The following FAT3 variants were observed in gnomAD, a reference collection of about 807,000 sequenced individuals.
FAT3 encodes FAT atypical cadherin 3.
A neutral mutation model predicts 310.2 loss-of-function variants in FAT3; 95 were observed. The ratio of observed to expected loss-of-function variants is 0.31; its 90% CI spans 0.26 to 0.36. FAT3 has a LOEUF of 0.36. Ranked by LOEUF, FAT3 falls within the 10% of genes least tolerant of loss-of-function variation. The pLI, the probability that FAT3 is intolerant of heterozygous loss-of-function variation, is 1.00. For synonymous variants in FAT3, 2,314 were observed against 2,192.9 expected (o/e 1.06, Z -1.54); for missense variants, 5,408 against 5,715.6 (o/e 0.95, Z 1.74).
At chr11:92,293,551 TAA>T (rs1183644543) in intron 1 of FAT3, among the ~76,000 whole-genome samples, 238 of 15,682 alleles carry the variant, frequency 0.015, 9 homozygotes, top group African/African-American at 0.045. Flanking sequence ...TATATATATA[TAA>T]ATAAAATATA....
rs181581090 is a variant in FAT3, at chr11:92,636,062, C to T, written c.3608-61322C>T. Among the ~76,000 whole-genome samples, 299 of 152,284 alleles carry T rather than the reference C, an allele frequency of 2.0e-3. No individual in the cohort carries two copies. In the Middle Eastern group the frequency reaches 0.02, roughly 10 times the overall value. On this transcript the variant is annotated intron_variant, in intron 3 of 27. Transcript: ENST00000525166. Reference sequence around the variant, plus strand: ...CACTGCAACCTCTGCCACCCAGGCTCAAGCAGTCCTCCCACCTCAGCCTCC... The same window carrying T: ...CACTGCAACCTCTGCCACCCAGGCTTAAGCAGTCCTCCCACCTCAGCCTCC...
intron 3 of FAT3, among the ~76,000 whole-genome samples, chr11:92,654,346 T>G (rs1942497162): frequency 6.6e-6 from 1 of 152,148 alleles, no homozygotes; most frequent in Admixed American, 6.6e-5. Flanking sequence ...TATGTCCAAT[T>G]TTCTTCTGAA....
chr11:92,235,969 A>G (rs1367510737), intron 1 of FAT3, among the ~76,000 whole-genome samples: 2 of 152,206 alleles, frequency 1.3e-5, no homozygotes, highest in Admixed American at 1.3e-4. Context: ...TCGAAGGTAA[A>G]ATAGACTGGG....
chr11:92,452,727 A>G (rs962701328), intron 2 of FAT3, among the ~76,000 whole-genome samples: 2 of 152,060 alleles, frequency 1.3e-5, no homozygotes, highest in African/African-American at 4.8e-5. Flanking sequence ...TATCATAAGC[A>G]TCTGTGACAG....
At chr11:92,466,999 T>C (rs1237878348) in intron 2 of FAT3, among the ~76,000 whole-genome samples, 1 of 152,112 alleles carries the variant, frequency 6.6e-6, no homozygotes, top group Non-Finnish European at 1.5e-5. Flanking sequence ...ACATTTGGCT[T>C]GGTTCCAAGT....
intron 1 of FAT3, among the ~76,000 whole-genome samples, chr11:92,324,199 C>T (rs1311381293): frequency 6.6e-6 from 1 of 152,202 alleles, no homozygotes; most frequent in Non-Finnish European, 1.5e-5. Context: ...TTCTTGTGTT[C>T]ACCAAAGTAG....
At chr11:92,339,973 G>A (rs892579956) in intron 1 of FAT3, among the ~76,000 whole-genome samples, 31 of 151,998 alleles carry the variant, frequency 2.0e-4, no homozygotes, top group African/African-American at 6.0e-4. Flanking sequence ...TTAGCCAGGC[G>A]TGGTGGCGGG....
At chr11:92,512,880 TGGGAGG>T (rs1434107933) in intron 2 of FAT3, among the ~76,000 whole-genome samples, 3,376 of 99,250 alleles carry the variant, frequency 0.034, 226 homozygotes, top group Middle Eastern at 0.057. Flanking sequence ...CCCAGCACTT[TGGGAGG>T]CCGAGGCGGG....
At chr11:92,478,963 T>TTTCTTTCTTTC (rs761360516) in intron 2 of FAT3, among the ~76,000 whole-genome samples, 17 of 132,252 alleles carry the variant, frequency 1.3e-4, no homozygotes, top group East Asian at 7.3e-4. Context: ...TTTTCTTTTC[T>TTTCTTTCTTTC]TTTCTTTTCT....
chr11:92,816,161 CAG>C (rs1464325284), intron 13 of FAT3, among the ~76,000 whole-genome samples: 3 of 152,260 alleles, frequency 2.0e-5, no homozygotes, highest in Admixed American at 6.5e-5. Context: ...AGGAGTGAGA[CAG>C]AGAGACAGAT....
Position 92,801,863 on chromosome 11 carries a change from C to T in FAT3, c.8850C>T (p.Asp2950=). 1.2e-6 allele frequency: 2 copies of T among 1,613,934 alleles called. No individual in the cohort carries two copies. The highest frequency in any genetic ancestry group is 1.7e-6 in the Non-Finnish European group (2 of 1,179,846). ...GEVVAVLSTW[D]RDTSDVNRQV... ...TGGTAGCCGTCCTCAGCACCTGGGA[C>T]AGAGACACATCCGACGTTAATCGCC... Residue 2950 remains aspartate (D), a synonymous_variant, in exon 10 of 28, where the codon GAC becomes GAT. Transcript: ENST00000525166.
At chr11:92,719,330 A>G (rs1194706221) in intron 4 of FAT3, among the ~76,000 whole-genome samples, 9 of 152,106 alleles carry the variant, frequency 5.9e-5, no homozygotes, top group Admixed American at 5.9e-4. Flanking sequence ...TCACATTATT[A>G]TCTACCAGTT....
intron 4 of FAT3, among the ~76,000 whole-genome samples, chr11:92,732,468 TTATACCCTCAATGCA>T (rs2136002782): frequency 6.6e-6 from 1 of 152,274 alleles, no homozygotes; most frequent in South Asian, 2.1e-4. Context: ...AAGATATTGC[TTATACCCTCAATGCA>T]TTTATGGTTT....
intron 3 of FAT3, among the ~76,000 whole-genome samples, chr11:92,528,367 G>A (rs1264094208): frequency 2.6e-5 from 4 of 152,174 alleles, no homozygotes; most frequent in African/African-American, 9.7e-5. Context: ...CCATCAGGCC[G>A]GTGTTCACTT....
At chr11:92,458,769 C>T (rs1397522523) in intron 2 of FAT3, among the ~76,000 whole-genome samples, 1 of 152,100 alleles carries the variant, frequency 6.6e-6, no homozygotes, top group East Asian at 1.9e-4. Flanking sequence ...CACAATTTTG[C>T]TTGATCTTGG....
chr11:92,771,330 C>G (rs529388403), intron 6 of FAT3, among the ~76,000 whole-genome samples: 3 of 152,084 alleles, frequency 2.0e-5, no homozygotes, highest in Non-Finnish European at 4.4e-5. Context: ...TCCTATGAAA[C>G]TGAAATCACT....
intron 3 of FAT3, among the ~76,000 whole-genome samples, chr11:92,650,991 A>G (rs537380031): frequency 6.6e-6 from 1 of 152,352 alleles, no homozygotes; most frequent in African/African-American, 2.4e-5. Context: ...TGGAGTAAGC[A>G]TTCCTTCGGA....
chr11:92,465,559 T>G (rs1951737567), intron 2 of FAT3, among the ~76,000 whole-genome samples: 1 of 152,174 alleles, frequency 6.6e-6, no homozygotes, highest in East Asian at 1.9e-4. Flanking sequence ...TGGCCAGTGA[T>G]GATGAGCATT....
intron 2 of FAT3, among the ~76,000 whole-genome samples, chr11:92,433,748 C>T (rs1020714525): frequency 4.6e-5 from 7 of 151,976 alleles, no homozygotes; most frequent in African/African-American, 1.2e-4. Context: ...TGGTGGCTCA[C>T]GCCTGTAATC....
Sources: gnomAD v4.1 joint callset for allele counts (sites outside exome capture counted in the v4.1 genomes callset) on GRCh38, gnomAD v4.1.1 for gene constraint, MANE v1.5 for transcripts, NCBI Gene and HGNC (gene_info 2026-07-23, HGNC 2026-07-21) for gene names.